Variants in GRID2 observed in about 807,000 individuals in gnomAD.
GRID2 encodes the protein glutamate receptor ionotropic, delta-2.
Under a neutral mutation model 114.8 loss-of-function variants are expected in GRID2, and 33 were observed. The observed-to-expected ratio is 0.29, with a 90% CI of 0.22 to 0.38. The LOEUF is 0.38. Ranked by LOEUF, GRID2 falls within the 10% of genes least tolerant of loss-of-function variation. The pLI, the probability that GRID2 is intolerant of heterozygous loss-of-function variation, is 1.00. For missense variants in GRID2, 1,184 were observed against 1,257.7 expected, an observed-to-expected ratio of 0.94 and a Z score of 0.89; for synonymous variants, 505 against 449.9, an observed-to-expected ratio of 1.12 and a Z score of -1.55.
At chr4:92,621,923 G>T (rs1267933099) in intron 2 of GRID2, among the ~76,000 whole-genome samples, 2 of 151,768 alleles carry the variant, frequency 1.3e-5, no homozygotes, top group Non-Finnish European at 2.9e-5. Context: ...AAGAGAGAGA[G>T]ATTATGATGA....
intron 2 of GRID2, among the ~76,000 whole-genome samples, chr4:92,875,612 G>A (rs979364621): frequency 4.6e-5 from 7 of 151,994 alleles, no homozygotes; most frequent in Non-Finnish European, 1.0e-4. Context: ...ATATTATTTT[G>A]AAGAAAATAA....
chr4:93,606,465 T>C lies in GRID2; in HGVS notation c.2194-19804T>C, dbSNP rs186001970. ...CTAGAGATAAAATTGATTTCTGTTA[T>C]AAAAGTAGAAATGTCTCACTTATTT... is the stretch of plus-strand genomic sequence containing the variant. On this transcript the variant is annotated intron_variant, in intron 13 of 15. Transcript: ENST00000282020. Among the ~76,000 whole-genome samples, 1,109 of 152,342 alleles carry C rather than the reference T, an allele frequency of 7.3e-3. 13 individuals are homozygous for C. Among genetic ancestry groups the C allele is most frequent in the African/African-American group, 0.026 (1,068 of 41,572 alleles).
intron 1 of GRID2, among the ~76,000 whole-genome samples, chr4:92,533,446 CACATACAT>C (rs71579567): frequency 0.2 from 29,958 of 149,918 alleles, 3,164 homozygotes; most frequent in Middle Eastern, 0.29. Flanking sequence ...AGTACTAGGA[CACATACAT>C]ACATACATAC....
intron 2 of GRID2, among the ~76,000 whole-genome samples, chr4:92,908,541 G>T (rs1748127887): frequency 8.2e-6 from 1 of 122,126 alleles, no homozygotes; most frequent in African/African-American, 3.2e-5. Flanking sequence ...CAGTCCGGAC[G>T]ACAGAGCAAG....
At chr4:92,981,882 A>G (rs906160027) in intron 2 of GRID2, among the ~76,000 whole-genome samples, 2 of 151,952 alleles carry the variant, frequency 1.3e-5, no homozygotes, top group Non-Finnish European at 2.9e-5. Flanking sequence ...TATGCAGATC[A>G]ACAACTGTAA....
chr4:92,560,799 C>G (rs528095939), intron 1 of GRID2, among the ~76,000 whole-genome samples: 1 of 152,134 alleles, frequency 6.6e-6, no homozygotes, highest in African/African-American at 2.4e-5. Flanking sequence ...CTCCACCTCC[C>G]GGGTACAAGT....
chr4:92,321,437 C>A (rs1375430470), intron 1 of GRID2, among the ~76,000 whole-genome samples: 1 of 152,176 alleles, frequency 6.6e-6, no homozygotes, highest in Non-Finnish European at 1.5e-5. Flanking sequence ...AGTGTTCTTT[C>A]TGTCTCTTTG....
intron 11 of GRID2, among the ~76,000 whole-genome samples, chr4:93,459,760 C>A (rs1432989303): frequency 6.6e-6 from 1 of 152,104 alleles, no homozygotes; most frequent in Non-Finnish European, 1.5e-5. Context: ...ACCAGAGGCA[C>A]CATAAATTTG....
intron 2 of GRID2, among the ~76,000 whole-genome samples, chr4:92,943,989 C>T (rs545464279): frequency 1.3e-5 from 2 of 152,164 alleles, no homozygotes; most frequent in Non-Finnish European, 1.5e-5. Context: ...TATCAGTCTG[C>T]CCCTACTGGG....
intron 2 of GRID2, among the ~76,000 whole-genome samples, chr4:92,921,171 A>T (rs1749295404): frequency 6.6e-6 from 1 of 152,016 alleles, no homozygotes; most frequent in Non-Finnish European, 1.5e-5. Flanking sequence ...TTCATCATGT[A>T]GTTCTCATGC....
chr4:93,317,559 G>T (rs538331153), intron 8 of GRID2, among the ~76,000 whole-genome samples: 170 of 152,160 alleles, frequency 1.1e-3, no homozygotes, highest in Middle Eastern at 3.4e-3. Flanking sequence ...GAAATTTGGA[G>T]AAATTTCTCT....
intron 8 of GRID2, among the ~76,000 whole-genome samples, chr4:93,383,258 A>T (rs909827448): frequency 6.6e-6 from 1 of 152,114 alleles, no homozygotes; most frequent in Non-Finnish European, 1.5e-5. Context: ...CCGTGATTAG[A>T]AGCAGCAGTA....
At chr4:93,698,675 G>C (rs966351940) in intron 14 of GRID2, among the ~76,000 whole-genome samples, 1 of 151,992 alleles carries the variant, frequency 6.6e-6, no homozygotes, top group Non-Finnish European at 1.5e-5. Flanking sequence ...TTGATTTTAG[G>C]AATAAGTTTT....
At chr4:92,950,812 G>A (rs1051895409) in intron 2 of GRID2, among the ~76,000 whole-genome samples, 1 of 152,114 alleles carries the variant, frequency 6.6e-6, no homozygotes, top group Non-Finnish European at 1.5e-5. Flanking sequence ...TGCCTTCCAG[G>A]TAAAAGAGAA....
At chr4:93,507,411 A>G (rs958284224) in intron 12 of GRID2, among the ~76,000 whole-genome samples, 2 of 152,196 alleles carry the variant, frequency 1.3e-5, no homozygotes, top group Admixed American at 1.3e-4. Flanking sequence ...TAGAGCGTAC[A>G]TACTCTCCTT....
intron 13 of GRID2, among the ~76,000 whole-genome samples, chr4:93,546,600 A>C (rs1733239375): frequency 6.6e-6 from 1 of 152,186 alleles, no homozygotes. Context: ...TTAAATTATA[A>C]AAGTGCTCTG....
At chr4:92,462,435 G>A (rs1026385314) in intron 1 of GRID2, among the ~76,000 whole-genome samples, 1 of 151,888 alleles carries the variant, frequency 6.6e-6, no homozygotes, top group South Asian at 2.1e-4. Context: ...TTTTTTTGTG[G>A]CTGTTGATTT....
chr4:92,593,001 A>G (rs1386103572), intron 2 of GRID2, among the ~76,000 whole-genome samples: 3 of 152,020 alleles, frequency 2.0e-5, no homozygotes, highest in Non-Finnish European at 2.9e-5. Flanking sequence ...CTGCAATACT[A>G]TGCAAACTTG....
At chr4:93,219,670 G>A (rs1744650659) in intron 6 of GRID2, among the ~76,000 whole-genome samples, 2 of 152,110 alleles carry the variant, frequency 1.3e-5, no homozygotes, top group African/African-American at 4.8e-5. Flanking sequence ...AGCTTAAGTT[G>A]CAAAATAAAT....
Sources: allele counts gnomAD v4.1 joint callset (sites outside exome capture counted in the v4.1 genomes callset), GRCh38; gene constraint gnomAD v4.1.1; transcripts MANE v1.5; gene names NCBI Gene and HGNC (gene_info 2026-07-23, HGNC 2026-07-21).